CTNND2: variants seen among roughly 807,000 people sequenced by gnomAD.
CTNND2 encodes catenin delta-2.
CTNND2 carries 22 observed loss-of-function variants against 144.4 expected under a neutral mutation model. That is an observed-to-expected ratio of 0.15 (90% CI 0.11 to 0.22). The LOEUF (loss-of-function observed/expected upper bound fraction) is 0.22. CTNND2 is among the 10% of genes least tolerant of loss of function. The pLI, the probability that CTNND2 is intolerant of heterozygous loss-of-function variation, is 1.00. For missense variants in CTNND2, 1,353 were observed against 1,618.8 expected (o/e 0.84, Z 2.82); for synonymous variants, 751 against 695.6 (o/e 1.08, Z -1.25).
rs984021671 is a variant in CTNND2, at chr5:11,650,824, G to A, written c.174+81312C>T. Reference sequence around the variant, plus strand: ...TAAGCAGCAAAGTGTCCAAGGTGTGGCCTGGCTGCTTCTATCAGCATATGG... The same window carrying A: ...TAAGCAGCAAAGTGTCCAAGGTGTGACCTGGCTGCTTCTATCAGCATATGG... On this transcript the variant is annotated intron_variant, in intron 2 of 21. Transcript: ENST00000304623. 3.9e-5 allele frequency among the ~76,000 whole-genome samples: 6 copies of A among 152,278 alleles called. No individual in the cohort carries two copies. In the East Asian group the frequency reaches 7.7e-4, roughly 20 times the overall value.
At chr5:11,486,182 A>G (rs1404137949) in intron 3 of CTNND2, among the ~76,000 whole-genome samples, 4 of 152,204 alleles carry the variant, frequency 2.6e-5, no homozygotes, top group Non-Finnish European at 5.9e-5. Context: ...GGATGAGATA[A>G]TATCCAGTAG....
chr5:11,222,409 G>A (rs1377342694), intron 10 of CTNND2, among the ~76,000 whole-genome samples: 2 of 152,194 alleles, frequency 1.3e-5, no homozygotes, highest in African/African-American at 4.8e-5. Context: ...TTTTAATCAG[G>A]AGTCTTGCCT....
intron 3 of CTNND2, among the ~76,000 whole-genome samples, chr5:11,495,786 C>A (rs1001898906): frequency 6.6e-6 from 1 of 152,106 alleles, no homozygotes; most frequent in African/African-American, 2.4e-5. Flanking sequence ...AGAAAATCAC[C>A]GAAGTTCTGA....
At chr5:11,607,879 C>A (rs1423875192) in intron 2 of CTNND2, among the ~76,000 whole-genome samples, 1 of 152,102 alleles carries the variant, frequency 6.6e-6, no homozygotes, top group South Asian at 2.1e-4. Context: ...AGGCCCCATG[C>A]AAGGAATGTG....
At chr5:11,404,602 C>CTTTTTTTTTTTTTTTTTTTTTTTTTTTT (rs555388304) in intron 5 of CTNND2, among the ~76,000 whole-genome samples, 1 of 57,368 alleles carries the variant, frequency 1.7e-5, no homozygotes, top group Non-Finnish European at 4.0e-5. Flanking sequence ...TATCTGTATT[C>CTTTTTTTTTTTTTTTTTTTTTTTTTTTT]TTTTTTTTTT....
intron 1 of CTNND2, among the ~76,000 whole-genome samples, chr5:11,878,696 C>G (rs1291604863): frequency 6.6e-6 from 1 of 152,130 alleles, no homozygotes; most frequent in East Asian, 1.9e-4. Flanking sequence ...TGCTAAGAGT[C>G]CTTGCTGCTT....
intron 1 of CTNND2, among the ~76,000 whole-genome samples, chr5:11,765,261 C>A (rs1789514934): frequency 6.6e-6 from 1 of 152,096 alleles, no homozygotes; most frequent in African/African-American, 2.4e-5. Context: ...CAGGATCATG[C>A]CTGGGGAACA....
At chr5:11,890,295 A>C (rs1274644087) in intron 1 of CTNND2, among the ~76,000 whole-genome samples, 2 of 152,176 alleles carry the variant, frequency 1.3e-5, no homozygotes, top group Non-Finnish European at 2.9e-5. Flanking sequence ...CTCCTGCCAC[A>C]AAAACCTGTC....
chr5:11,452,514 G>A (rs1765391154), intron 3 of CTNND2, among the ~76,000 whole-genome samples: 1 of 152,202 alleles, frequency 6.6e-6, no homozygotes, highest in African/African-American at 2.4e-5. Flanking sequence ...CTGCAGCTCA[G>A]CTCCTTTAAA....
intron 1 of CTNND2, among the ~76,000 whole-genome samples, chr5:11,803,435 T>C (rs1482803445): frequency 6.6e-6 from 1 of 152,224 alleles, no homozygotes; most frequent in Non-Finnish European, 1.5e-5. Context: ...ATCTGAACTG[T>C]ATAAACTTGT....
At chr5:11,002,161 C>T (rs1740024220) in intron 18 of CTNND2, among the ~76,000 whole-genome samples, 2 of 152,234 alleles carry the variant, frequency 1.3e-5, no homozygotes, top group African/African-American at 4.8e-5. Flanking sequence ...GCAGTCCACA[C>T]CTGCTTCCAG....
At chr5:11,157,197 C>T (rs7725853) in intron 12 of CTNND2, among the ~76,000 whole-genome samples, 4,010 of 152,260 alleles carry the variant, frequency 0.026, 175 homozygotes, top group African/African-American at 0.09. Flanking sequence ...AATAATAACA[C>T]TTACTTTAAT....
intron 1 of CTNND2, among the ~76,000 whole-genome samples, chr5:11,747,038 C>T (rs900570161): frequency 3.9e-5 from 6 of 152,048 alleles, no homozygotes; most frequent in Non-Finnish European, 7.4e-5. Flanking sequence ...ACACCTATGT[C>T]TACATTTATA....
At chr5:11,056,230 C>G (rs6872307) in intron 16 of CTNND2, among the ~76,000 whole-genome samples, 2,805 of 152,192 alleles carry the variant, frequency 0.018, 95 homozygotes, top group African/African-American at 0.064. Flanking sequence ...TAAATAAATG[C>G]CTAGCCTTGA....
intron 3 of CTNND2, among the ~76,000 whole-genome samples, chr5:11,439,264 A>T (rs1346908281): frequency 6.6e-6 from 1 of 152,108 alleles, no homozygotes; most frequent in Non-Finnish European, 1.5e-5. Flanking sequence ...ATTGTCATCA[A>T]ATTAATTCCT....
At chr5:11,145,226 T>C (rs576577043) in intron 12 of CTNND2, among the ~76,000 whole-genome samples, 2 of 152,200 alleles carry the variant, frequency 1.3e-5, no homozygotes, top group African/African-American at 2.4e-5. Flanking sequence ...CCGAAGAATA[T>C]TTTAATGCAA....
chr5:11,005,325 A>AC (rs1483526156), intron 18 of CTNND2, among the ~76,000 whole-genome samples: 4 of 152,256 alleles, frequency 2.6e-5, no homozygotes, highest in African/African-American at 9.6e-5. Flanking sequence ...GGTGAGCAGG[A>AC]CTTTGTGAGA....
intron 17 of CTNND2, among the ~76,000 whole-genome samples, chr5:11,020,680 C>T (rs1742146315): frequency 1.3e-5 from 2 of 151,728 alleles, no homozygotes; most frequent in Non-Finnish European, 2.9e-5. Flanking sequence ...AGGTAGGAGA[C>T]GAGGATAAAT....
At position 11,435,121 on chromosome 5, in the gene CTNND2, A is replaced by AT. The variant is rs1400296543; in HGVS notation, c.288-23053dup. Among the ~76,000 whole-genome samples the AT allele has an allele frequency of 2.8e-5, 4 of 143,044 alleles. No individual in the cohort carries two copies. The East Asian group carries it at 7.9e-4, about 28-fold the overall frequency. The allele number at this position is 143,044 out of a possible 152,430, so 93.8% of individuals were successfully genotyped here. ...GCAAACGTTTTCTTTTTTACTATTT[A>AT]TTTATTTATTTATTTATTTATTTAT... On this transcript the variant is annotated intron_variant, in intron 3 of 21. Coordinates refer to ENST00000304623, the MANE Select transcript of CTNND2 (RefSeq NM_001332.4).
Sources: gnomAD v4.1 joint callset for allele counts (sites outside exome capture counted in the v4.1 genomes callset) on GRCh38, gnomAD v4.1.1 for gene constraint, MANE v1.5 for transcripts, NCBI Gene and HGNC (gene_info 2026-07-23, HGNC 2026-07-21) for gene names.